DDAH1: variants seen among roughly 807,000 people sequenced by gnomAD.
DDAH1 encodes dimethylarginine dimethylaminohydrolase 1, also known as N(G),N(G)-dimethylarginine dimethylaminohydrolase 1.
DDAH1 carries 19 observed loss-of-function variants against 28.8 expected under a neutral mutation model. The observed-to-expected ratio is 0.66, with a 90% confidence interval of 0.46 to 0.97. The LOEUF (loss-of-function observed/expected upper bound fraction) is 0.97. Ranked by LOEUF, DDAH1 falls within the 50% of genes least tolerant of loss-of-function variation. The probability of loss-of-function intolerance (pLI) is 0.00; values close to 1 mark genes in which losing one functional copy is unlikely to be tolerated. For missense variants in DDAH1, 326 were observed against 375.9 expected, an observed-to-expected ratio of 0.87 and a Z score of 1.10; for synonymous variants, 153 against 154.4, an observed-to-expected ratio of 0.99 and a Z score of 0.07.
At position 85,484,261 on chromosome 1, in the gene DDAH1, T is replaced by C. The variant is rs1161448086; in HGVS notation, c.-7+11905A>G. Among the ~76,000 whole-genome samples, 10 of 151,126 alleles carry C rather than the reference T, an allele frequency of 6.6e-5. 1 individual carries two copies. On this transcript the variant is annotated intron_variant, in intron 2 of 6. Transcript: ENST00000426972. ...AGGATAAATTTTATCTATCTACCTA[T>C]TTATTTATGTTTAATATATAATATA...
At chr1:85,558,876 G>A (rs2100802312) in intron 1 of DDAH1, among the ~76,000 whole-genome samples, 1 of 152,158 alleles carries the variant, frequency 6.6e-6, no homozygotes, top group Non-Finnish European at 1.5e-5. Context: ...ATTGGTTTGA[G>A]AGCCTTTTCT....
intron 1 of DDAH1, among the ~76,000 whole-genome samples, chr1:85,429,172 C>A (rs1557619369): frequency 6.6e-6 from 1 of 151,776 alleles, no homozygotes; most frequent in Non-Finnish European, 1.5e-5. Context: ...CCTAGCCTCC[C>A]ACCCCCCAGC....
chr1:85,442,710 T>C (rs984813257), intron 1 of DDAH1, among the ~76,000 whole-genome samples: 1 of 152,218 alleles, frequency 6.6e-6, no homozygotes, highest in African/African-American at 2.4e-5. Context: ...GACTTTTTAA[T>C]GATTGCCATT....
At chr1:85,430,982 G>A (rs1401845827) in intron 1 of DDAH1, among the ~76,000 whole-genome samples, 6 of 152,146 alleles carry the variant, frequency 3.9e-5, no homozygotes, top group Non-Finnish European at 7.3e-5. Flanking sequence ...TTTTCAAAGG[G>A]AATGCTTCCA....
chr1:85,479,508 A>G (rs1460439648), intron 2 of DDAH1, among the ~76,000 whole-genome samples: 3 of 152,216 alleles, frequency 2.0e-5, no homozygotes, highest in Non-Finnish European at 4.4e-5. Context: ...GAAGGAAATT[A>G]AATGCTTAAT....
chr1:85,331,756 T>C (rs540794655), intron 4 of DDAH1, among the ~76,000 whole-genome samples: 16 of 152,308 alleles, frequency 1.1e-4, no homozygotes, highest in African/African-American at 3.1e-4. Flanking sequence ...GGCTTTAAGA[T>C]GACTGACTAG....
intron 1 of DDAH1, among the ~76,000 whole-genome samples, chr1:85,366,469 T>G (rs1436069941): frequency 6.6e-6 from 1 of 152,126 alleles, no homozygotes; most frequent in Non-Finnish European, 1.5e-5. Context: ...ACCAAGATAT[T>G]TAGCATTTTG....
chr1:85,509,450 C>A (rs1657147467), intron 1 of DDAH1, among the ~76,000 whole-genome samples: 1 of 152,194 alleles, frequency 6.6e-6, no homozygotes, highest in Non-Finnish European at 1.5e-5. Flanking sequence ...ACTGCAGCTC[C>A]TTGCCAGCAG....
intron 1 of DDAH1, among the ~76,000 whole-genome samples, chr1:85,502,322 C>A (rs1053443580): frequency 6.6e-6 from 1 of 152,178 alleles, no homozygotes; most frequent in Non-Finnish European, 1.5e-5. Flanking sequence ...GCTGACTACA[C>A]CCCACGCACT....
chr1:85,416,436 C>A (rs1027311125), intron 1 of DDAH1, among the ~76,000 whole-genome samples: 1 of 152,124 alleles, frequency 6.6e-6, no homozygotes, highest in Non-Finnish European at 1.5e-5. Flanking sequence ...CTCAGGTGAT[C>A]CAGCCACCTT....
chr1:85,419,426 G>A (rs750647399), intron 1 of DDAH1, among the ~76,000 whole-genome samples: 11 of 151,196 alleles, frequency 7.3e-5, no homozygotes, highest in Admixed American at 2.0e-4. Context: ...TGTAACCCCA[G>A]CTATTCGGGA....
At chr1:85,535,851 C>T (rs547988798) in intron 1 of DDAH1, among the ~76,000 whole-genome samples, 13 of 151,548 alleles carry the variant, frequency 8.6e-5, no homozygotes, top group African/African-American at 2.4e-4. Flanking sequence ...TCCAAATAAC[C>T]CAATTTTTAA....
At chr1:85,457,461 A>G (rs686166) in intron 1 of DDAH1, among the ~76,000 whole-genome samples, 150,719 of 152,218 alleles carry the variant, frequency 0.99, 74,643 homozygotes, top group Middle Eastern at 1. Flanking sequence ...GGACTGTGAC[A>G]TCCTCAGGGG....
intron 1 of DDAH1, among the ~76,000 whole-genome samples, chr1:85,523,374 G>T (rs1178185938): frequency 6.6e-6 from 1 of 151,812 alleles, no homozygotes; most frequent in African/African-American, 2.4e-5. Context: ...CTCTACCTGG[G>T]GCACCTACAA....
At chr1:85,410,535 A>T (rs6576766) in intron 1 of DDAH1, among the ~76,000 whole-genome samples, 1 of 151,532 alleles carries the variant, frequency 6.6e-6, no homozygotes, top group African/African-American at 2.4e-5. Context: ...GCTATTCAGG[A>T]GGCTGAGGCA....
chr1:85,536,948 C>CAT (rs202209648), intron 1 of DDAH1, among the ~76,000 whole-genome samples: 1,268 of 91,566 alleles, frequency 0.014, 4 homozygotes, highest in African/African-American at 0.021. Context: ...GAAAATGTGG[C>CAT]ATATATATAT....
chr1:85,470,487 A>G (rs1655580126), intron 2 of DDAH1, among the ~76,000 whole-genome samples: 1 of 152,238 alleles, frequency 6.6e-6, no homozygotes, highest in African/African-American at 2.4e-5. Context: ...TTGGGTGGGG[A>G]CAGAACCAAA....
chr1:85,454,543 G>A (rs1003280502), intron 1 of DDAH1, among the ~76,000 whole-genome samples: 19 of 152,136 alleles, frequency 1.2e-4, no homozygotes, highest in Non-Finnish European at 1.9e-4. Context: ...AAGGGGATGC[G>A]GTCGATTTTT....
intron 1 of DDAH1, among the ~76,000 whole-genome samples, chr1:85,365,726 GC>G (rs1650038814): frequency 6.6e-6 from 1 of 152,136 alleles, no homozygotes; most frequent in African/African-American, 2.4e-5. Context: ...CTAAAATGGT[GC>G]CCATGATTGC....
Sources: allele counts gnomAD v4.1 joint callset (sites outside exome capture counted in the v4.1 genomes callset), GRCh38; gene constraint gnomAD v4.1.1; transcripts MANE v1.5; gene names NCBI Gene and HGNC (gene_info 2026-07-23, HGNC 2026-07-21).